RELN: variants seen among roughly 807,000 people sequenced by gnomAD.
RELN encodes reelin.
RELN carries 108 observed loss-of-function variants against 427.6 expected under a neutral mutation model. The observed-to-expected ratio is 0.25, with a 90% confidence interval of 0.22 to 0.30. The LOEUF (loss-of-function observed/expected upper bound fraction) is 0.30, where lower values mean the gene tolerates loss of function less well. RELN is among the 10% of genes least tolerant of loss of function. The probability of loss-of-function intolerance (pLI) is 1.00; values close to 1 mark genes in which losing one functional copy is unlikely to be tolerated. For missense variants in RELN, 3,715 were observed against 4,302.8 expected, an observed-to-expected ratio of 0.86 and a Z score of 3.82; for synonymous variants, 1,524 against 1,513.4, an observed-to-expected ratio of 1.01 and a Z score of -0.16.
chr7:103,803,477 T>C (rs1792519079), intron 3 of RELN, among the ~76,000 whole-genome samples: 1 of 152,102 alleles, frequency 6.6e-6, no homozygotes, highest in African/African-American at 2.4e-5. Context: ...AAAAGACACC[T>C]GGCTGGAGTG....
At chr7:103,817,776 T>C (rs2116360941) in intron 3 of RELN, among the ~76,000 whole-genome samples, 1 of 150,892 alleles carries the variant, frequency 6.6e-6, no homozygotes, top group South Asian at 2.1e-4. Context: ...TGAAACCTCG[T>C]TTCTACTAAA....
intron 49 of RELN, among the ~76,000 whole-genome samples, chr7:103,516,479 G>C (rs1283490179): frequency 6.6e-6 from 1 of 151,890 alleles, no homozygotes; most frequent in Non-Finnish European, 1.5e-5. Flanking sequence ...GTAGAGATAG[G>C]GTTTCACCAT....
At position 103,785,510 on chromosome 7, in the gene RELN, C is replaced by G. The variant is rs143862208; in HGVS notation, c.474-8883G>C. Among the ~76,000 whole-genome samples the G allele has an allele frequency of 4.1e-3, 620 of 152,230 alleles. 5 individuals are homozygous for G. Among genetic ancestry groups the G allele is most frequent in the African/African-American group, 0.014 (577 of 41,566 alleles). On this transcript the variant is annotated intron_variant, in intron 3 of 64. Coordinates refer to ENST00000428762, the MANE Select transcript of RELN (RefSeq NM_005045.4). ...ACAATAGAAGAAGCGGAGTTTTGCT[C>G]TAGGATGGGCATCCATTACCTCCAT...
At chr7:103,921,587 AT>A (rs1795618795) in intron 1 of RELN, among the ~76,000 whole-genome samples, 1 of 152,188 alleles carries the variant, frequency 6.6e-6, no homozygotes, top group African/African-American at 2.4e-5. Context: ...GTATATTATT[AT>A]CTATAATTAG....
intron 3 of RELN, among the ~76,000 whole-genome samples, chr7:103,785,362 C>A (rs375310716): frequency 1.4e-4 from 22 of 152,122 alleles, no homozygotes; most frequent in African/African-American, 4.6e-4. Context: ...CAAAGAAAAT[C>A]CTAGTAAAAA....
intron 14 of RELN, among the ~76,000 whole-genome samples, chr7:103,652,327 T>C (rs1832936180): frequency 6.6e-6 from 1 of 151,398 alleles, no homozygotes; most frequent in East Asian, 2.0e-4. Context: ...CTCTGATACC[T>C]AAGATCAAGC....
At chr7:103,939,771 G>C (rs966888015) in intron 1 of RELN, among the ~76,000 whole-genome samples, 1 of 152,138 alleles carries the variant, frequency 6.6e-6, no homozygotes, top group Admixed American at 6.6e-5. Flanking sequence ...ATTAATTATT[G>C]TACAATCACC....
intron 2 of RELN, among the ~76,000 whole-genome samples, chr7:103,906,862 G>A (rs549775747): frequency 1.8e-4 from 28 of 152,262 alleles, no homozygotes; most frequent in African/African-American, 6.5e-4. Context: ...CCACAGAACA[G>A]GCTAAGCAAT....
chr7:103,602,241 T>C (rs1392196796), intron 24 of RELN, among the ~76,000 whole-genome samples: 3 of 152,178 alleles, frequency 2.0e-5, no homozygotes, highest in Admixed American at 2.0e-4. Context: ...ATCCCTGCTT[T>C]ACAGATGGGG....
intron 31 of RELN, among the ~76,000 whole-genome samples, chr7:103,568,034 C>T (rs766931890): frequency 3.1e-4 from 47 of 152,138 alleles, no homozygotes; most frequent in Middle Eastern, 6.8e-3. Context: ...TGGGCTCAAG[C>T]GATCTGCCTG....
At position 103,502,993 on chromosome 7, in the gene RELN, CTTTG is replaced by C; in HGVS notation, c.8489+19_8489+22del. On this transcript the variant is annotated intron_variant, in intron 52 of 64. Transcript: ENST00000428762. Reference sequence around the variant, plus strand: ...TACCTTCTGGATGCTTGGAACCAGGCTTTGTTTTAGTTTTCTACTTACTTTCCCA... The same window carrying C: ...TACCTTCTGGATGCTTGGAACCAGGCTTTTAGTTTTCTACTTACTTTCCCA... 1 of 1,597,916 alleles carries C rather than the reference CTTTG, an allele frequency of 6.3e-7. No homozygotes were observed. Among genetic ancestry groups the C allele is most frequent in the Non-Finnish European group, 8.6e-7 (1 of 1,165,506 alleles).
intron 8 of RELN, among the ~76,000 whole-genome samples, chr7:103,717,669 G>A (rs1356649321): frequency 6.6e-6 from 1 of 151,772 alleles, no homozygotes; most frequent in Non-Finnish European, 1.5e-5. Context: ...TTGGGCTTAG[G>A]TCACCAAATA....
At chr7:103,809,915 T>C (rs1792695040) in intron 3 of RELN, among the ~76,000 whole-genome samples, 2 of 152,226 alleles carry the variant, frequency 1.3e-5, no homozygotes, top group Non-Finnish European at 1.5e-5. Context: ...GTGACTTTTA[T>C]GACTTCCTGG....
intron 46 of RELN, among the ~76,000 whole-genome samples, chr7:103,532,854 G>T (rs1430732963): frequency 6.6e-6 from 1 of 152,118 alleles, no homozygotes; most frequent in African/African-American, 2.4e-5. Flanking sequence ...TCATGTACCT[G>T]TTCTCCATCA....
chr7:103,855,201 G>A (rs904965601), intron 2 of RELN, among the ~76,000 whole-genome samples: 3 of 152,212 alleles, frequency 2.0e-5, no homozygotes, highest in Non-Finnish European at 4.4e-5. Flanking sequence ...GGAACAGCAT[G>A]CTTGAAGCGG....
intron 26 of RELN, 86 bp downstream of exon 26, chr7:103,594,235 G>T: frequency 2.3e-6 from 3 of 1,287,230 alleles, no homozygotes; most frequent in Non-Finnish European, 3.4e-6. Flanking sequence ...TCAGTGTCAA[G>T]CACTAAATCC....
intron 6 of RELN, among the ~76,000 whole-genome samples, chr7:103,747,269 G>A (rs1487461672): frequency 7.2e-6 from 1 of 139,520 alleles, no homozygotes; most frequent in African/African-American, 2.7e-5. Flanking sequence ...GTTGTGGGGT[G>A]CGGGGAGGGG....
chr7:103,632,773 A>G (rs188825386), intron 19 of RELN, among the ~76,000 whole-genome samples: 22 of 152,174 alleles, frequency 1.4e-4, no homozygotes, highest in African/African-American at 5.3e-4. Context: ...ACATATAGAA[A>G]CAAAGAGGAG....
chr7:103,989,028 T>C lies in RELN; in HGVS notation c.226+103A>G, dbSNP rs944814807. The C allele has an allele frequency of 5.6e-5, 59 of 1,044,462 alleles. No homozygotes were observed. The highest frequency in any genetic ancestry group is 7.3e-5 in the Non-Finnish European group (49 of 671,538). 64.7% of individuals were successfully genotyped at this position (1,044,462 alleles called of 1,614,324 possible). On this transcript the variant is annotated intron_variant, in intron 1 of 64. Coordinates refer to ENST00000428762, the MANE Select transcript of RELN (RefSeq NM_005045.4). The surrounding 1 kb of genome is among the most constrained non-coding windows in gnomAD (Gnocchi z 4.9). Reference sequence around the variant, plus strand: ...CGCATCGCTGGGGCCAGGGTTGTCATGGTTCTTGTTTCCAAGGCCCCTTGG... The same window carrying C: ...CGCATCGCTGGGGCCAGGGTTGTCACGGTTCTTGTTTCCAAGGCCCCTTGG...
Sources: allele counts gnomAD v4.1 joint callset (sites outside exome capture counted in the v4.1 genomes callset), GRCh38; gene constraint gnomAD v4.1.1; non-coding constraint Gnocchi (gnomAD v3.1); transcripts MANE v1.5; gene names NCBI Gene and HGNC (gene_info 2026-07-23, HGNC 2026-07-21).